SPECC1L: variants seen among roughly 807,000 people sequenced by gnomAD.
SPECC1L encodes the protein cytospin-A.
A neutral mutation model predicts 116.8 loss-of-function variants in SPECC1L; 40 were observed. The ratio of observed to expected loss-of-function variants is 0.34; its 90% CI spans 0.27 to 0.45. The LOEUF (loss-of-function observed/expected upper bound fraction) is 0.45. Ranked by LOEUF, SPECC1L falls within the 20% of genes least tolerant of loss-of-function variation. SPECC1L has a pLI of 1.00. For synonymous variants in SPECC1L, 504 were observed against 500.6 expected (o/e 1.01, Z -0.09); for missense variants, 1,110 against 1,373.6 (o/e 0.81, Z 3.03).
chr22:24,412,398 A>G (rs17004916), intron 15 of SPECC1L: 11,410 of 582,356 alleles, frequency 0.02, 268 homozygotes, highest in African/African-American at 0.083. Context: ...CAGAAGTAGG[A>G]TTCTTCAGGA....
chr22:24,295,366 T>C (rs2049239415), intron 2 of SPECC1L, among the ~76,000 whole-genome samples: 1 of 149,906 alleles, frequency 6.7e-6, no homozygotes, highest in African/African-American at 2.5e-5. Context: ...TGTCAATAAT[T>C]TATTTTAGAC....
intron 14 of SPECC1L, among the ~76,000 whole-genome samples, chr22:24,381,584 A>G (rs2042062614): frequency 6.6e-6 from 1 of 152,068 alleles, no homozygotes; most frequent in Non-Finnish European, 1.5e-5. Context: ...TTTTTTTCCT[A>G]ATATAAAAGC....
chr22:24,304,785 A>T (rs1396927865), intron 3 of SPECC1L, among the ~76,000 whole-genome samples: 2 of 152,246 alleles, frequency 1.3e-5, no homozygotes. Flanking sequence ...TAATTGTATG[A>T]ACAATCCTCC....
intron 2 of SPECC1L, among the ~76,000 whole-genome samples, chr22:24,287,965 G>A (rs2049074187): frequency 6.6e-6 from 1 of 152,148 alleles, no homozygotes; most frequent in South Asian, 2.1e-4. Context: ...ATAAGGCCCT[G>A]TGGTTCATCT....
chr22:24,410,888 T>C (rs1005214066), intron 14 of SPECC1L, among the ~76,000 whole-genome samples: 1 of 152,086 alleles, frequency 6.6e-6, no homozygotes, highest in African/African-American at 2.4e-5. Context: ...ACATGGTGCT[T>C]TAAAGGTCAT....
intron 10 of SPECC1L, among the ~76,000 whole-genome samples, chr22:24,340,673 T>C (rs139678364): frequency 6.0e-4 from 91 of 152,320 alleles, no homozygotes; most frequent in African/African-American, 2.0e-3. Flanking sequence ...CTAATACTTA[T>C]GAGCTACATT....
intron 7 of SPECC1L, among the ~76,000 whole-genome samples, chr22:24,329,365 G>T (rs1358822079): frequency 6.6e-6 from 1 of 152,218 alleles, no homozygotes; most frequent in Non-Finnish European, 1.5e-5. Context: ...ATTTTAGAAA[G>T]ATAGATTTGG....
chr22:24,392,198 A>G (rs2042286817), intron 14 of SPECC1L, among the ~76,000 whole-genome samples: 2 of 152,242 alleles, frequency 1.3e-5, no homozygotes, highest in African/African-American at 4.8e-5. Flanking sequence ...AGTTTCCAGT[A>G]AGTAGGTATT....
intron 2 of SPECC1L, among the ~76,000 whole-genome samples, chr22:24,281,255 G>A (rs531271481): frequency 9.2e-5 from 14 of 152,276 alleles, no homozygotes; most frequent in African/African-American, 3.1e-4. Flanking sequence ...AATACCAAGT[G>A]ATGTATTTAT....
At chr22:24,380,528 G>A (rs557102797) in intron 14 of SPECC1L, among the ~76,000 whole-genome samples, 3 of 152,240 alleles carry the variant, frequency 2.0e-5, no homozygotes, top group South Asian at 4.2e-4. Context: ...ATCATCTTTC[G>A]TTAACTCTCT....
At chr22:24,412,747 T>A (rs1344076654) in intron 16 of SPECC1L, 40 bp downstream of exon 16, 2 of 1,605,852 alleles carry the variant, frequency 1.2e-6, no homozygotes, top group South Asian at 2.2e-5. Flanking sequence ...AGGGCCCTCC[T>A]TCTGGTTAAG....
intron 4 of SPECC1L, among the ~76,000 whole-genome samples, chr22:24,316,477 A>T (rs1485718560): frequency 6.6e-6 from 1 of 150,948 alleles, no homozygotes; most frequent in African/African-American, 2.5e-5. Flanking sequence ...AGTGGTGATG[A>T]CTCTGAACGA....
At chr22:24,339,966 G>A (rs1352023681) in intron 10 of SPECC1L, among the ~76,000 whole-genome samples, 1 of 151,820 alleles carries the variant, frequency 6.6e-6, no homozygotes, top group Non-Finnish European at 1.5e-5. Flanking sequence ...TGTGTTTTTG[G>A]TAAAGACAGG....
intron 3 of SPECC1L, among the ~76,000 whole-genome samples, chr22:24,307,673 C>T (rs1300588405): frequency 6.6e-6 from 1 of 151,594 alleles, no homozygotes; most frequent in South Asian, 2.1e-4. Context: ...TTAACCCATC[C>T]CTAGGTCAAA....
At position 24,278,968 on chromosome 22, in the gene SPECC1L, C is replaced by T. The variant is rs550239028; in HGVS notation, c.-38+2165C>T. ...GTACGTTTATAAATTTTATCCAAAT[C>T]CTCTTAATCTAGTGATTAATAGACA... On this transcript the variant is annotated intron_variant, in intron 2 of 16. Coordinates refer to ENST00000314328, the MANE Select transcript of SPECC1L (RefSeq NM_015330.6). 3.9e-5 allele frequency among the ~76,000 whole-genome samples: 6 copies of T among 152,270 alleles called. No individual in the cohort carries two copies. In the South Asian group the frequency reaches 1.0e-3, roughly 26 times the overall value.
intron 14 of SPECC1L, among the ~76,000 whole-genome samples, chr22:24,381,779 G>A (rs1169665003): frequency 2.0e-5 from 3 of 152,198 alleles, no homozygotes; most frequent in African/African-American, 7.2e-5. Flanking sequence ...AGCTACTCGG[G>A]AGGCTAAGGC....
Position 24,374,778 on chromosome 22 carries a change from A to G in SPECC1L, c.3087+5458A>G, listed in dbSNP as rs185530720. Among the ~76,000 whole-genome samples, 324 of 151,896 alleles carry G rather than the reference A, an allele frequency of 2.1e-3. 5 individuals carry two copies. The highest frequency in any genetic ancestry group is 4.9e-3 in the Admixed American group (74 of 15,230). On this transcript the variant is annotated intron_variant, in intron 14 of 16. Transcript: ENST00000314328. ...ACCCTAAAACTTAAAGTATAATTTA[A>G]AAAAAAAGGAAGTAGAAAAAAGATA...
At chr22:24,291,938 T>C (rs1479367400) in intron 2 of SPECC1L, among the ~76,000 whole-genome samples, 1 of 152,234 alleles carries the variant, frequency 6.6e-6, no homozygotes, top group Admixed American at 6.5e-5. Context: ...GAAATTTAAA[T>C]GGTTTTAAAT....
chr22:24,271,031 T>A (rs201187844), intron 1 of SPECC1L, 48 bp downstream of exon 1: 2 of 152,322 alleles, frequency 1.3e-5, no homozygotes, highest in South Asian at 4.1e-4. Flanking sequence ...CGGGTTGGTT[T>A]ATCGCCTCAG....
Sources: allele counts gnomAD v4.1 joint callset (sites outside exome capture counted in the v4.1 genomes callset), GRCh38; gene constraint gnomAD v4.1.1; transcripts MANE v1.5; gene names NCBI Gene and HGNC (gene_info 2026-07-23, HGNC 2026-07-21).